The following RALGAPB variants were observed in gnomAD, a reference collection of about 807,000 sequenced individuals.
RALGAPB encodes the protein ral GTPase-activating protein subunit beta.
In RALGAPB, 25 loss-of-function variants were observed where a neutral mutation model predicts 161.1. The ratio of observed to expected loss-of-function variants is 0.16; its 90% CI spans 0.11 to 0.22. RALGAPB has a LOEUF of 0.22. Among genes scored for constraint, RALGAPB ranks in the 10% least tolerant of loss-of-function variants. The probability of loss-of-function intolerance (pLI) is 1.00; values close to 1 mark genes in which losing one functional copy is unlikely to be tolerated. For synonymous variants in RALGAPB, 629 were observed against 626.1 expected, an observed-to-expected ratio of 1.00 and a Z score of -0.07; for missense variants, 1,391 against 1,815.2, an observed-to-expected ratio of 0.77 and a Z score of 4.25.
At position 38,517,868 on chromosome 20, in the gene RALGAPB, C is replaced by T. The variant is rs757348685; in HGVS notation, c.1285C>T (p.Pro429Ser). Reference sequence around the variant, plus strand: ...AAGTCCAAATCAGACTAGTTCAGAACCCCGGCCACTGCCTGCCCCTCGGAG... The same window carrying T: ...AAGTCCAAATCAGACTAGTTCAGAATCCCGGCCACTGCCTGCCCCTCGGAG... ...LSSPNQTSSE[P>S]RPLPAPRRPK... Residue 429 changes from proline (P) to serine (S), a missense_variant, in exon 9 of 30, where the codon CCC becomes TCC. Physicochemically the swap from Pro to Ser is moderately conservative, Grantham distance 74. Around this residue, in one of 3 missense-constraint regions of RALGAPB, gnomAD observed 946 missense variants for 1,257.2 expected, o/e 0.75. Coordinates refer to ENST00000262879, the MANE Select transcript of RALGAPB (RefSeq NM_020336.4). 6 of 1,613,906 alleles carry T rather than the reference C, an allele frequency of 3.7e-6. No individual in the cohort carries two copies. The highest frequency in any genetic ancestry group is 1.7e-5 in the Admixed American group (1 of 60,030).
chr20:38,530,057 T>TTCC (rs1313016822), intron 13 of RALGAPB, among the ~76,000 whole-genome samples: 1 of 152,206 alleles, frequency 6.6e-6, no homozygotes, highest in East Asian at 1.9e-4. Context: ...CTAGTGGCAC[T>TTCC]TCCTATGGGT....
chr20:38,553,843 A>G, intron 21 of RALGAPB, 24 bp from the exon 22 acceptor site: 1 of 1,557,862 alleles, frequency 6.4e-7, no homozygotes. Context: ...AGTTTCAAAA[A>G]ATGAAATATT....
At chr20:38,530,424 T>C (rs2086618661) in intron 13 of RALGAPB, among the ~76,000 whole-genome samples, 1 of 152,068 alleles carries the variant, frequency 6.6e-6, no homozygotes, top group Non-Finnish European at 1.5e-5. Flanking sequence ...AGCTTTTTAT[T>C]TTTTATTTAT....
intron 6 of RALGAPB, among the ~76,000 whole-genome samples, chr20:38,513,320 A>G (rs2086024518): frequency 1.3e-5 from 2 of 152,020 alleles, no homozygotes; most frequent in South Asian, 2.1e-4. Context: ...CCTGGCCAAC[A>G]TGGTGAAACC....
intron 22 of RALGAPB, among the ~76,000 whole-genome samples, chr20:38,557,322 T>C (rs1056742822): frequency 1.3e-5 from 2 of 152,206 alleles, no homozygotes; most frequent in African/African-American, 2.4e-5. Flanking sequence ...TGCATTGATG[T>C]GGTGCATTTG....
intron 13 of RALGAPB, among the ~76,000 whole-genome samples, chr20:38,527,817 C>G (rs551179615): frequency 8.5e-5 from 13 of 152,134 alleles, no homozygotes. Context: ...TGAGGCACTC[C>G]CTATGTACTT....
Position 38,499,454 on chromosome 20 carries a change from T to A in RALGAPB, c.561T>A (p.Ile187=). ...TTTCTTTTTGTTGGTAAGGTGGCAT[T>A]GCTGAGAATCTAGCAGAGAAGTTGA... ...LLAPPTVQGG[I]AENLAEKLIG... Residue 187 remains isoleucine, a synonymous_variant, in exon 5 of 30, where the codon ATT becomes ATA. Transcript: ENST00000262879. 1 of 1,596,558 alleles carries A rather than the reference T, an allele frequency of 6.3e-7. No individual in the cohort carries two copies. The highest frequency in any genetic ancestry group is 8.5e-7 in the Non-Finnish European group (1 of 1,171,188).
intron 6 of RALGAPB, among the ~76,000 whole-genome samples, chr20:38,509,698 T>A (rs1446965300): frequency 6.6e-6 from 1 of 152,234 alleles, no homozygotes; most frequent in Non-Finnish European, 1.5e-5. Context: ...ATAGTAATTC[T>A]CTTCAGTTCA....
intron 1 of RALGAPB, among the ~76,000 whole-genome samples, chr20:38,475,803 GA>G (rs535428537): frequency 5.9e-5 from 9 of 151,954 alleles, no homozygotes; most frequent in Admixed American, 4.6e-4. Flanking sequence ...TTTTAGTTGA[GA>G]GGGGGTTTCG....
intron 23 of RALGAPB, among the ~76,000 whole-genome samples, chr20:38,558,970 C>T (rs1568975929): frequency 6.6e-6 from 1 of 152,180 alleles, no homozygotes; most frequent in African/African-American, 2.4e-5. Flanking sequence ...ACATGGTATG[C>T]ACTTGTCTAT....
intron 18 of RALGAPB, among the ~76,000 whole-genome samples, chr20:38,545,079 T>G (rs1438017306): frequency 6.6e-6 from 1 of 152,216 alleles, no homozygotes; most frequent in African/African-American, 2.4e-5. Context: ...TGGTATATTA[T>G]CTCTGCAGCT....
chr20:38,554,955 A>G (rs1328124942), intron 22 of RALGAPB, among the ~76,000 whole-genome samples: 2 of 152,178 alleles, frequency 1.3e-5, no homozygotes, highest in East Asian at 1.9e-4. Context: ...ATGTGGTGGC[A>G]CACCTATAAT....
At chr20:38,540,371 C>T (rs1430619245) in intron 17 of RALGAPB, among the ~76,000 whole-genome samples, 1 of 152,190 alleles carries the variant, frequency 6.6e-6, no homozygotes. Flanking sequence ...TTACTCCATA[C>T]TCATTTCTTC....
chr20:38,525,599 AAC>A (rs1181496059), intron 12 of RALGAPB, 81 bp downstream of exon 12: 1 of 1,074,028 alleles, frequency 9.3e-7, no homozygotes, highest in Admixed American at 2.4e-5. Flanking sequence ...TTAAAAATGA[AAC>A]AGGAGCTTTT....
intron 23 of RALGAPB, 47 bp from the exon 24 acceptor site, chr20:38,562,484 TA>T (rs2087819027): frequency 7.0e-7 from 1 of 1,424,302 alleles, no homozygotes; most frequent in Admixed American, 2.3e-5. Context: ...TATTTTGATA[TA>T]TTATTTTGTT....
chr20:38,515,405 A>G (rs1377056784), intron 6 of RALGAPB, among the ~76,000 whole-genome samples: 1 of 152,186 alleles, frequency 6.6e-6, no homozygotes, highest in East Asian at 1.9e-4. Context: ...CCGGCTTTAG[A>G]TTATCAGTAT....
At chr20:38,525,041 T>G in intron 11 of RALGAPB, 96 bp downstream of exon 11, 1 of 1,228,180 alleles carries the variant, frequency 8.1e-7, no homozygotes, top group South Asian at 1.4e-5. Flanking sequence ...TGTCCAGTTG[T>G]CTTCATAGTC....
chr20:38,473,371 A>T (rs1418374501), intron 1 of RALGAPB, among the ~76,000 whole-genome samples: 1 of 152,150 alleles, frequency 6.6e-6, no homozygotes, highest in African/African-American at 2.4e-5. Context: ...GCGGAGCTAG[A>T]CAACTCCCGC....
At chr20:38,542,744 G>A (rs950679807) in intron 18 of RALGAPB, among the ~76,000 whole-genome samples, 1 of 152,094 alleles carries the variant, frequency 6.6e-6, no homozygotes, top group East Asian at 1.9e-4. Flanking sequence ...GTGTGATGGT[G>A]CACACATGTA....
Sources: gnomAD v4.1 joint callset for allele counts (sites outside exome capture counted in the v4.1 genomes callset) on GRCh38, gnomAD v4.1.1 for gene constraint, gnomAD v4.1.1 regional missense constraint, MANE v1.5 for transcripts, NCBI Gene and HGNC (gene_info 2026-07-23, HGNC 2026-07-21) for gene names.